The following FLT1 variants were observed in gnomAD, a reference collection of about 807,000 sequenced individuals.
The protein encoded by FLT1 is fms related receptor tyrosine kinase 1, also known as vascular endothelial growth factor receptor 1.
Under a neutral mutation model 156.3 loss-of-function variants are expected in FLT1, and 49 were observed. The ratio of observed to expected loss-of-function variants is 0.31; its 90% confidence interval spans 0.25 to 0.40. The LOEUF (loss-of-function observed/expected upper bound fraction) is 0.40, where lower values mean the gene tolerates loss of function less well. Ranked by LOEUF, FLT1 falls within the 10% of genes least tolerant of loss-of-function variation. The pLI is 1.00. For missense variants in FLT1, 1,322 were observed against 1,637.2 expected (o/e 0.81, Z 3.32); for synonymous variants, 594 against 583.8 (o/e 1.02, Z -0.25).
In FLT1 at chr13:28,327,490, CT is replaced by C; in HGVS notation, c.2767del (p.Ser923AlafsTer35). 1 of 1,613,244 alleles carries C rather than the reference CT, an allele frequency of 6.2e-7. No homozygotes were observed. The highest frequency in any genetic ancestry group is 8.5e-7 in the Non-Finnish European group (1 of 1,179,232). ...GTTGAGAAAAAATAAGTCACGTTTG[CT>C]CTTGAGGTAGTTGGAGAGATTTCCA... ...KYGNLSNYLK[S>X]KRDLFFLNKD... On this transcript the variant is annotated frameshift_variant, in exon 20 of 30. Transcript: ENST00000282397. LOFTEE classifies it high-confidence loss of function.
chr13:28,325,562 C>T (rs1455762005), intron 20 of FLT1, among the ~76,000 whole-genome samples: 1 of 152,120 alleles, frequency 6.6e-6, no homozygotes, highest in Non-Finnish European at 1.5e-5. Context: ...CACCTGTAAT[C>T]CCAGCACTTT....
At chr13:28,454,033 G>T (rs1348843127) in intron 3 of FLT1, among the ~76,000 whole-genome samples, 1 of 152,066 alleles carries the variant, frequency 6.6e-6, no homozygotes, top group Non-Finnish European at 1.5e-5. Context: ...GAAGAGCTGG[G>T]TGGGGGGAGT....
intron 1 of FLT1, among the ~76,000 whole-genome samples, chr13:28,483,352 T>A (rs1173572413): frequency 6.6e-6 from 1 of 152,164 alleles, no homozygotes; most frequent in Admixed American, 6.5e-5. Flanking sequence ...AAGAAAACAA[T>A]CATAAAAATC....
intron 14 of FLT1, among the ~76,000 whole-genome samples, chr13:28,382,816 C>T (rs1874133638): frequency 6.6e-6 from 1 of 152,300 alleles, no homozygotes; most frequent in South Asian, 2.1e-4. Context: ...GGAGGTGCTA[C>T]TTTATGGAGA....
intron 13 of FLT1, chr13:28,389,564 G>C: frequency 7.0e-7 from 1 of 1,436,020 alleles, no homozygotes; most frequent in Non-Finnish European, 9.1e-7. Context: ...CCCAGAGCTG[G>C]GGCCCGGGGG....
intron 6 of FLT1, among the ~76,000 whole-genome samples, chr13:28,431,614 A>T (rs1877688852): frequency 6.6e-6 from 1 of 152,194 alleles, no homozygotes; most frequent in African/African-American, 2.4e-5. Flanking sequence ...CCTTTTAGTG[A>T]TGAAAAAACT....
chr13:28,457,751 G>A (rs538687960), intron 3 of FLT1, among the ~76,000 whole-genome samples: 1 of 152,140 alleles, frequency 6.6e-6, no homozygotes, highest in South Asian at 2.1e-4. Context: ...AAAGTCCCTT[G>A]CTTATTTTTC....
chr13:28,400,728 T>C (rs551531309), intron 11 of FLT1, among the ~76,000 whole-genome samples: 2 of 152,334 alleles, frequency 1.3e-5, no homozygotes, highest in East Asian at 1.9e-4. Flanking sequence ...GCATGCAATA[T>C]CAACTAAATA....
rs1406559419 is a variant in FLT1 at position 28,301,708 on chromosome 13, T to C, written c.*1459A>G. The C allele has an allele frequency of 1.7e-5, 4 of 233,166 alleles. No individual in the cohort carries two copies. Among genetic ancestry groups the C allele is most frequent in the African/African-American group, 6.6e-5 (3 of 45,300 alleles). 14.4% of individuals were successfully genotyped at this position (233,166 alleles called of 1,614,324 possible). A position where few individuals can be genotyped will look rare whatever the true frequency, so the allele number is the denominator to read the frequency against. On this transcript the variant is annotated 3_prime_UTR_variant, in exon 30 of 30. Transcript: ENST00000282397. ...GCATCAAACAGAGCCAGCTTAGCGA[T>C]CCAAGGCCCACTTGATCTTTAGACC...
In FLT1 at chr13:28,427,230, G is replaced by A. The variant is rs753091980; in HGVS notation, c.1365C>T (p.Thr455=). The A allele has an allele frequency of 5.0e-6, 8 of 1,613,734 alleles. No individual in the cohort carries two copies. The highest frequency in any genetic ancestry group is 4.0e-5 in the African/African-American group (3 of 74,902). ...TTGTAGGTTGAGGGATACCATATGCGGTACAAGTCAGGATTTGTCTGCTGC... is the reference window on the plus strand; with the variant it reads ...TTGTAGGTTGAGGGATACCATATGCAGTACAAGTCAGGATTTGTCTGCTGC... The part of the protein sequence containing the change: ...PLGSRQILTC[T]AYGIPQPTIK... The change falls in exon 10 of 30, where the codon ACC becomes ACT. Residue 455 remains threonine (T), a synonymous_variant. Transcript: ENST00000282397.
chr13:28,392,190 A>G (rs1195831856), intron 12 of FLT1, among the ~76,000 whole-genome samples: 1 of 152,198 alleles, frequency 6.6e-6, no homozygotes, highest in African/African-American at 2.4e-5. Context: ...GGAACCTGGG[A>G]GCAGGGCGTA....
At chr13:28,359,308 G>A (rs1873023086) in intron 14 of FLT1, among the ~76,000 whole-genome samples, 1 of 152,114 alleles carries the variant, frequency 6.6e-6, no homozygotes, top group South Asian at 2.1e-4. Flanking sequence ...CTTAATAAGT[G>A]GTGTTGGGAA....
At chr13:28,347,731 T>C (rs1477563064) in intron 15 of FLT1, among the ~76,000 whole-genome samples, 1 of 152,200 alleles carries the variant, frequency 6.6e-6, no homozygotes, top group Non-Finnish European at 1.5e-5. Context: ...CATTGGCCCT[T>C]ATTGAGTGCT....
rs572013134 is a variant in FLT1, at chr13:28,345,902, C to A, written c.2249-351G>T. 16 of 211,428 alleles carry A rather than the reference C, an allele frequency of 7.6e-5. No homozygotes were observed. In the South Asian group the frequency reaches 1.4e-3, roughly 19 times the overall value. 13.1% of individuals were successfully genotyped at this position (211,428 alleles called of 1,614,324 possible). On this transcript the variant is annotated intron_variant, in intron 15 of 29. Transcript: ENST00000282397. ...AAAAATTAAGGCAGGAACAAAAGCC[C>A]ATTAAAATGCTAAATCTGGAATATG... is the stretch of plus-strand genomic sequence containing the variant.
chr13:28,337,533 G>A (rs537792217), intron 17 of FLT1, among the ~76,000 whole-genome samples: 8 of 152,304 alleles, frequency 5.3e-5, no homozygotes, highest in African/African-American at 1.9e-4. Context: ...GGGCCTTGCA[G>A]CCACACTCTG....
At chr13:28,334,186 C>G in intron 17 of FLT1, 57 bp from the exon 18 acceptor site, 1 of 1,138,978 alleles carries the variant, frequency 8.8e-7, no homozygotes, top group South Asian at 1.2e-5. Context: ...GAGTTTAAGT[C>G]TTTTTCAGGA....
At chr13:28,373,167 C>T (rs989438758) in intron 14 of FLT1, among the ~76,000 whole-genome samples, 1 of 152,078 alleles carries the variant, frequency 6.6e-6, no homozygotes, top group African/African-American at 2.4e-5. Context: ...ACTGTCCCAC[C>T]GTGTGGAGGT....
At chr13:28,468,508 C>T (rs757367202) in intron 1 of FLT1, among the ~76,000 whole-genome samples, 10 of 152,278 alleles carry the variant, frequency 6.6e-5, no homozygotes, top group Non-Finnish European at 1.3e-4. Context: ...AATCTCTGAC[C>T]TTCCATTTCT....
At chr13:28,483,394 T>C (rs1880969963) in intron 1 of FLT1, among the ~76,000 whole-genome samples, 1 of 152,166 alleles carries the variant, frequency 6.6e-6, no homozygotes, top group Admixed American at 6.5e-5. Flanking sequence ...ATAGACACCA[T>C]GCATATTTTT....
Sources: allele counts gnomAD v4.1 joint callset (sites outside exome capture counted in the v4.1 genomes callset), GRCh38; gene constraint gnomAD v4.1.1; transcripts MANE v1.5; gene names NCBI Gene and HGNC (gene_info 2026-07-23, HGNC 2026-07-21).